Variants in FBXO34 observed in about 807,000 individuals in gnomAD.
The protein encoded by FBXO34 is F-box protein 34, also known as F-box only protein 34.
In FBXO34, 12 loss-of-function variants were observed where a neutral mutation model predicts 24.5. The observed-to-expected ratio is 0.49, with a 90% CI of 0.31 to 0.79. The LOEUF (loss-of-function observed/expected upper bound fraction) is 0.79. Ranked by LOEUF, FBXO34 falls within the 30% of genes least tolerant of loss-of-function variation. FBXO34 has a pLI of 0.04. For synonymous variants in FBXO34, 320 were observed against 311.9 expected, an observed-to-expected ratio of 1.03 and a Z score of -0.27; for missense variants, 823 against 857.7, an observed-to-expected ratio of 0.96 and a Z score of 0.51.
chr14:55,345,306 T>C (rs985507864), intron 1 of FBXO34, among the ~76,000 whole-genome samples: 1 of 152,204 alleles, frequency 6.6e-6, no homozygotes, highest in South Asian at 2.1e-4. Flanking sequence ...CTTCTTGTTA[T>C]TCCTGTGAAC....
the FBXO34 span, among the ~76,000 whole-genome samples, chr14:55,412,239 T>C: frequency 6.6e-6 from 1 of 152,222 alleles, no homozygotes; most frequent in East Asian, 1.9e-4. Flanking sequence ...GGGCTGGGTC[T>C]TGGAACTAGG....
At chr14:55,299,104 C>T (rs1882249739) in intron 1 of FBXO34, 12 of 1,367,022 alleles carry the variant, frequency 8.8e-6, no homozygotes, top group South Asian at 3.5e-5. Flanking sequence ...GAGCTCATGG[C>T]GGAATTAGAA....
chr14:55,323,023 A>ACAAAAAAAACC (rs1384609998), intron 1 of FBXO34, among the ~76,000 whole-genome samples: 11 of 127,894 alleles, frequency 8.6e-5, no homozygotes, highest in African/African-American at 3.1e-5. Context: ...AATACAAAAA[A>ACAAAAAAAACC]AAAAAAAAAA....
the FBXO34 span, chr14:55,382,137 C>T: frequency 1.2e-6 from 2 of 1,614,104 alleles, no homozygotes; most frequent in Non-Finnish European, 1.7e-6. Flanking sequence ...CAAGCTTGCT[C>T]ACAGTGCTGG....
chr14:55,333,528 TAAA>T (rs1399121003), intron 1 of FBXO34, among the ~76,000 whole-genome samples: 1 of 152,200 alleles, frequency 6.6e-6, no homozygotes, highest in Non-Finnish European at 1.5e-5. Flanking sequence ...TTGTGGCTCT[TAAA>T]AATATATAAA....
chr14:55,386,033 T>C, the FBXO34 span: 3 of 1,614,196 alleles, frequency 1.9e-6, no homozygotes, highest in Non-Finnish European at 2.5e-6. Flanking sequence ...TTTCTCTTGG[T>C]GCCGTTGTGC....
the FBXO34 span, among the ~76,000 whole-genome samples, chr14:55,402,057 CA>C: frequency 1.3e-5 from 2 of 152,168 alleles, no homozygotes; most frequent in Non-Finnish European, 2.9e-5. Flanking sequence ...TCAGACAATT[CA>C]CATAAATCTG....
intron 1 of FBXO34, among the ~76,000 whole-genome samples, chr14:55,287,170 T>C (rs540095298): frequency 2.6e-5 from 4 of 152,290 alleles, no homozygotes; most frequent in Non-Finnish European, 5.9e-5. Context: ...CCTCCCAAAG[T>C]GCTGGGATTA....
chr14:55,389,660 A>G, the FBXO34 span, among the ~76,000 whole-genome samples: 1 of 152,244 alleles, frequency 6.6e-6, no homozygotes, highest in African/African-American at 2.4e-5. Context: ...CACTCATTTA[A>G]TGTTACATAA....
At chr14:55,329,906 A>T (rs1249436324) in intron 1 of FBXO34, among the ~76,000 whole-genome samples, 8 of 152,014 alleles carry the variant, frequency 5.3e-5, no homozygotes, top group East Asian at 3.9e-4. Flanking sequence ...ATATATATAT[A>T]TTTTTAAACT....
At chr14:55,327,528 C>A (rs1883378607) in intron 1 of FBXO34, among the ~76,000 whole-genome samples, 1 of 152,010 alleles carries the variant, frequency 6.6e-6, no homozygotes, top group Admixed American at 6.6e-5. Flanking sequence ...ACAGGATTTG[C>A]ATATGTGGTT....
chr14:55,424,367 T>C, the FBXO34 span: 1 of 628,832 alleles, frequency 1.6e-6, no homozygotes, highest in African/African-American at 1.8e-5. Context: ...ATAAGTTAGC[T>C]ATTTTATCAA....
chr14:55,411,844 G>C, the FBXO34 span: 1 of 1,560,182 alleles, frequency 6.4e-7, no homozygotes, highest in South Asian at 1.2e-5. Flanking sequence ...AGGAGAGCCA[G>C]TCACGTGGGA....
the FBXO34 span, among the ~76,000 whole-genome samples, chr14:55,425,063 A>C: frequency 1.3e-5 from 2 of 152,266 alleles, no homozygotes; most frequent in Non-Finnish European, 2.9e-5. Flanking sequence ...GGGTGAATCC[A>C]GACTGCATGG....
chr14:55,334,704 A>G (rs910482262), intron 1 of FBXO34, among the ~76,000 whole-genome samples: 1 of 152,314 alleles, frequency 6.6e-6, no homozygotes, highest in African/African-American at 2.4e-5. Context: ...AGAGGAACTC[A>G]GGCGGAAGCT....
intron 1 of FBXO34, among the ~76,000 whole-genome samples, chr14:55,324,262 A>T (rs1883268420): frequency 6.6e-6 from 1 of 152,232 alleles, no homozygotes; most frequent in Non-Finnish European, 1.5e-5. Flanking sequence ...AGTGGATATC[A>T]GTACTTAATT....
the FBXO34 span, chr14:55,440,498 C>T: frequency 6.2e-7 from 1 of 1,612,282 alleles, no homozygotes; most frequent in Non-Finnish European, 8.5e-7. Context: ...AGGGTAAGCG[C>T]GGAGCGAGCA....
the FBXO34 span, among the ~76,000 whole-genome samples, chr14:55,387,735 C>G: frequency 2.0e-5 from 3 of 152,044 alleles, no homozygotes; most frequent in Non-Finnish European, 4.4e-5. Context: ...AGTGGTGCAT[C>G]TCGGCTCACT....
the FBXO34 span, among the ~76,000 whole-genome samples, chr14:55,402,941 AT>A: frequency 2.7e-4 from 13 of 48,718 alleles, 2 homozygotes; most frequent in African/African-American, 8.5e-4. Context: ...ATATATATAT[AT>A]ATATATATAT....
Sources: gnomAD v4.1 joint callset for allele counts (sites outside exome capture counted in the v4.1 genomes callset) on GRCh38, gnomAD v4.1.1 for gene constraint, MANE v1.5 for transcripts, NCBI Gene and HGNC (gene_info 2026-07-23, HGNC 2026-07-21) for gene names.